The following KCNK4 variants were observed in gnomAD, a reference collection of about 807,000 sequenced individuals.
KCNK4 encodes potassium two pore domain channel subfamily K member 4.
KCNK4 carries 22 observed loss-of-function variants against 28.8 expected under a neutral mutation model. That is an observed-to-expected ratio of 0.76 (90% CI 0.55 to 1.09). The LOEUF (loss-of-function observed/expected upper bound fraction) is 1.09. KCNK4 is among the 50% of genes least tolerant of loss of function. KCNK4 has a pLI of 0.00. For missense variants in KCNK4, 483 were observed against 546.3 expected, an observed-to-expected ratio of 0.88 and a Z score of 1.15; for synonymous variants, 263 against 252.9, an observed-to-expected ratio of 1.04 and a Z score of -0.38.
At position 64,292,200 on chromosome 11, in the gene KCNK4, C is replaced by A. The variant is rs1214109078; in HGVS notation, c.-78+634C>A. ...CGCGGGTCTTTGTGCCCGCGCTTGGCGGCGCGTGCCGGGGCGTGTGTGCGC... is the reference window on the plus strand; with the variant it reads ...CGCGGGTCTTTGTGCCCGCGCTTGGAGGCGCGTGCCGGGGCGTGTGTGCGC... On this transcript the variant is annotated intron_variant, in intron 1 of 6. Transcript: ENST00000422670. The A allele has an allele frequency of 1.5e-5, 10 of 648,602 alleles. No homozygotes were observed. The African/African-American group carries it at 1.8e-4, about 12-fold the overall frequency. 40.2% of individuals were successfully genotyped at this position (648,602 alleles called of 1,614,324 possible). A position where few individuals can be genotyped will look rare whatever the true frequency, so the allele number is the denominator to read the frequency against.
chr11:64,295,779 A>C (rs1216766673), intron 2 of KCNK4, among the ~76,000 whole-genome samples: 1 of 152,046 alleles, frequency 6.6e-6, no homozygotes, highest in Non-Finnish European at 1.5e-5. Flanking sequence ...GAGGGTGTTG[A>C]GCAGCCACTT....
chr11:64,298,142 C>CA lies in KCNK4; in HGVS notation c.695dup (p.Pro233AlafsTer195). The CA allele has an allele frequency of 6.2e-7, 1 of 1,613,890 alleles. No homozygotes were observed. The highest frequency in any genetic ancestry group is 8.5e-7 in the Non-Finnish European group (1 of 1,180,012). ...CCCCAGGCAGGACTCCCCGGCCTATCAGCCGCTGGTGTGGTTCTGGATCCT... is the reference window on the plus strand; with the variant it reads ...CCCCAGGCAGGACTCCCCGGCCTATCAAGCCGCTGGTGTGGTTCTGGATCCT... On this transcript the variant is annotated frameshift_variant, in exon 6 of 7. Coordinates refer to ENST00000422670, the MANE Select transcript of KCNK4 (RefSeq NM_033310.3). LOFTEE classifies it high-confidence loss of function.
Position 64,300,031 on chromosome 11 carries a change from A to T in KCNK4, c.*305A>T. The T allele has an allele frequency of 1.6e-6, 1 of 614,498 alleles. No individual in the cohort carries two copies. The highest frequency in any genetic ancestry group is 2.8e-6 in the Non-Finnish European group (1 of 351,278). The allele number at this position is 614,498 out of a possible 1,614,324, so 38.1% of individuals were successfully genotyped here. On this transcript the variant is annotated 3_prime_UTR_variant, in exon 7 of 7. Transcript: ENST00000422670. ...ACCGCTGCGGGCGTGACGCTCCCGGACGCGAGTGGGTGTGGAATTGCTTTC... is the reference window on the plus strand; with the variant it reads ...ACCGCTGCGGGCGTGACGCTCCCGGTCGCGAGTGGGTGTGGAATTGCTTTC...
In KCNK4 at chr11:64,292,998, G is replaced by T; in HGVS notation, c.-21G>T. 2 of 1,532,290 alleles carry T rather than the reference G, an allele frequency of 1.3e-6. No individual in the cohort carries two copies. Among genetic ancestry groups the T allele is most frequent in the Non-Finnish European group, 1.8e-6 (2 of 1,140,488 alleles). 94.9% of individuals were successfully genotyped at this position (1,532,290 alleles called of 1,614,324 possible). A position where few individuals can be genotyped will look rare whatever the true frequency, so the allele number is the denominator to read the frequency against. On this transcript the variant is annotated 5_prime_UTR_variant, in exon 2 of 7. Transcript: ENST00000422670. ...GCCCCTCCAGGCGGGCAGTGGAGCT[G>T]GCCCGGCGCCTGGGCGCGCCATGCG...
In KCNK4 at chr11:64,296,964, C is replaced by T. The variant is rs773562597; in HGVS notation, c.276C>T (p.Ser92=). The part of the protein sequence containing the change: ...NSSHSAWDLG[S]AFFFSGTIIT... Reference sequence around the variant, plus strand: ...GCCACTCAGCCTGGGACCTGGGCAGCGCCTTCTTTTTCTCAGGGACCATCA... The same window carrying T: ...GCCACTCAGCCTGGGACCTGGGCAGTGCCTTCTTTTTCTCAGGGACCATCA... Residue 92 remains serine, a synonymous_variant, in exon 3 of 7, where the codon AGC becomes AGT. Coordinates refer to ENST00000422670, the MANE Select transcript of KCNK4 (RefSeq NM_033310.3). 1.1e-5 allele frequency: 17 copies of T among 1,522,572 alleles called. No homozygotes were observed. The highest frequency in any genetic ancestry group is 1.8e-4 in the Middle Eastern group (1 of 5,620). The allele number at this position is 1,522,572 out of a possible 1,614,324, so 94.3% of individuals were successfully genotyped here. A position where few individuals can be genotyped will look rare whatever the true frequency, so the allele number is the denominator to read the frequency against.
Position 64,299,952 on chromosome 11 carries a change from C to G in KCNK4, c.*226C>G. 1 of 728,128 alleles carries G rather than the reference C, an allele frequency of 1.4e-6. No homozygotes were observed. Among genetic ancestry groups the G allele is most frequent in the Non-Finnish European group, 2.2e-6 (1 of 445,508 alleles). The allele number at this position is 728,128 out of a possible 1,614,324, so 45.1% of individuals were successfully genotyped here. A position where few individuals can be genotyped will look rare whatever the true frequency, so the allele number is the denominator to read the frequency against. ...CTGCCCCGGGCGGGTGTATCCCTCA[C>G]AGCACCTCACGACTGTGCCTCAAAG... On this transcript the variant is annotated 3_prime_UTR_variant, in exon 7 of 7. Transcript: ENST00000422670.
rs200022673 is a variant in KCNK4, at chr11:64,298,226, G to A, written c.778G>A (p.Val260Met). ...CACCATCGGGAACTGGCTGCGAGTA[G>A]TGTCCCGCCGCACTCGGGCAGAGGT... ...LTTIGNWLRV[V>M]SRRTRAEMGG... The change falls in exon 6 of 7, where the codon GTG becomes ATG. Residue 260 changes from valine (V) to methionine (M), a missense_variant. Coordinates refer to ENST00000422670, the MANE Select transcript of KCNK4 (RefSeq NM_033310.3). 81 of 1,612,728 alleles carry A rather than the reference G, an allele frequency of 5.0e-5. No individual in the cohort carries two copies. Among genetic ancestry groups the A allele is most frequent in the African/African-American group, 1.3e-5 (1 of 74,924 alleles).
chr11:64,298,764 G>A lies in KCNK4; in HGVS notation c.801+515G>A, dbSNP rs142379790. ...CAAATAAATAAAATTTTATTATGGC[G>A]GGGGGCAGTGGCTCATGCTTGTAAT... On this transcript the variant is annotated intron_variant, in intron 6 of 6. Transcript: ENST00000422670. 2.2e-4 allele frequency among the ~76,000 whole-genome samples: 34 copies of A among 152,072 alleles called. No individual in the cohort carries two copies. In the East Asian group the frequency reaches 5.8e-3, roughly 26 times the overall value.
chr11:64,292,083 G>T, intron 1 of KCNK4: 1 of 1,096,072 alleles, frequency 9.1e-7, no homozygotes, highest in Non-Finnish European at 1.1e-6. Context: ...CATGGGGGCC[G>T]GGGATGCCGG....
intron 2 of KCNK4, among the ~76,000 whole-genome samples, chr11:64,294,446 A>T (rs774374198): frequency 1.4e-5 from 2 of 141,348 alleles, no homozygotes; most frequent in African/African-American, 2.6e-5. Flanking sequence ...TGAACCCAGG[A>T]GGCAGAGATT....
chr11:64,296,826 C>T (rs2135230945), intron 2 of KCNK4, 52 bp from the exon 3 acceptor site: 1 of 1,489,150 alleles, frequency 6.7e-7, no homozygotes, highest in East Asian at 2.4e-5. Flanking sequence ...CACGAGTTGC[C>T]CTAGACAGGA....
In KCNK4 at chr11:64,299,616, G is replaced by C. The variant is rs751692181; in HGVS notation, c.1072G>C (p.Gly358Arg). The change falls in exon 7 of 7, where the codon GGC becomes CGC. Residue 358 changes from glycine (G) to arginine (R), a missense_variant. Transcript: ENST00000422670. The stretch of plus-strand genomic sequence containing the variant: ...GTCCTCGGATACGCAGAGCGAGCGC[G>C]GCTGCCCGCTGCCCCGCGCGCCGAG... ...DESSDTQSER[G>R]CPLPRAPRGR... The C allele has an allele frequency of 6.2e-7, 1 of 1,608,752 alleles. No homozygotes were observed. The highest frequency in any genetic ancestry group is 1.3e-5 in the African/African-American group (1 of 74,540).
Position 64,298,172 on chromosome 11 carries a change from G to A in KCNK4, c.724G>A (p.Gly242Ser), listed in dbSNP as rs766013537. 4.3e-6 allele frequency: 7 copies of A among 1,613,850 alleles called. No homozygotes were observed. In the East Asian group the frequency reaches 6.7e-5, roughly 15 times the overall value. Reference sequence around the variant, plus strand: ...GCTGGTGTGGTTCTGGATCCTGCTCGGCCTGGCTTACTTCGCCTCAGTGCT... The same window carrying A: ...GCTGGTGTGGTTCTGGATCCTGCTCAGCCTGGCTTACTTCGCCTCAGTGCT... ...QPLVWFWILL[G>S]LAYFASVLTT... The change falls in exon 6 of 7, where the codon GGC becomes AGC. Residue 242 changes from glycine (G) to serine (S), a missense_variant. Transcript: ENST00000422670.
At chr11:64,297,325 A>G (rs757388115) in intron 4 of KCNK4, 46 bp downstream of exon 4, 10 of 1,585,272 alleles carry the variant, frequency 6.3e-6, no homozygotes, top group Non-Finnish European at 8.6e-6. Context: ...GGCTCCGGCT[A>G]CCCTTCCCCA....
At chr11:64,294,807 C>A (rs570458190) in intron 2 of KCNK4, among the ~76,000 whole-genome samples, 1 of 151,596 alleles carries the variant, frequency 6.6e-6, no homozygotes, top group Non-Finnish European at 1.5e-5. Flanking sequence ...GGACACAGAC[C>A]ACCCGACAGC....
chr11:64,297,447 C>T lies in KCNK4; in HGVS notation c.475-20C>T, dbSNP rs879070622. On this transcript the variant is annotated intron_variant, in intron 4 of 6. Transcript: ENST00000422670. ...GATTGTTGGTGTCTCCTGGGTCCTG[C>T]CTACTGCCCCATCCCGCAGAAGTGG... 1 of 1,613,126 alleles carries T rather than the reference C, an allele frequency of 6.2e-7. No homozygotes were observed. Among genetic ancestry groups the T allele is most frequent in the East Asian group, 2.2e-5 (1 of 44,884 alleles).
In KCNK4 at chr11:64,292,961, G is replaced by GC. The variant is rs1411894478; in HGVS notation, c.-52dup. The GC allele has an allele frequency of 6.7e-6, 10 of 1,487,998 alleles. No homozygotes were observed. In the Admixed American group the frequency reaches 7.2e-5, roughly 11 times the overall value. 92.2% of individuals were successfully genotyped at this position (1,487,998 alleles called of 1,614,324 possible). ...CCGCAGTGACGACAGCTCCCCAGGA[G>GC]CCCCCCGCCCGGCCCCTCCAGGCGG... On this transcript the variant is annotated 5_prime_UTR_variant, in exon 2 of 7. Coordinates refer to ENST00000422670, the MANE Select transcript of KCNK4 (RefSeq NM_033310.3).
chr11:64,297,334 C>T, intron 4 of KCNK4, 55 bp downstream of exon 4: 3 of 1,582,322 alleles, frequency 1.9e-6, no homozygotes, highest in Non-Finnish European at 2.6e-6. Flanking sequence ...TACCCTTCCC[C>T]ATGTCCCTGG....
Position 64,297,504 on chromosome 11 carries a change from C to A in KCNK4, c.512C>A (p.Ser171Ter). 6.2e-7 allele frequency: 1 copy of A among 1,614,138 alleles called. No individual in the cohort carries two copies. The highest frequency in any genetic ancestry group is 8.5e-7 in the Non-Finnish European group (1 of 1,180,014). Reference sequence around the variant, plus strand: ...CCACCGGAGCTAGTAAGAGTGCTGTCGGCGATGCTTTTCCTGCTGATCGGC... The same window carrying A: ...CCACCGGAGCTAGTAAGAGTGCTGTAGGCGATGCTTTTCCTGCTGATCGGC... ...HVPPELVRVL[S>*]AMLFLLIGCL... Residue 171 changes from serine to a stop codon, truncating the protein, a stop_gained, in exon 5 of 7, where the codon TCG (serine) becomes TAG (stop). Coordinates refer to ENST00000422670, the MANE Select transcript of KCNK4 (RefSeq NM_033310.3). LOFTEE classifies it high-confidence loss of function.
Sources: allele counts gnomAD v4.1 joint callset (sites outside exome capture counted in the v4.1 genomes callset), GRCh38; gene constraint gnomAD v4.1.1; transcripts MANE v1.5; gene names NCBI Gene and HGNC (gene_info 2026-07-23, HGNC 2026-07-21).